C12orf76: variants seen among roughly 807,000 people sequenced by gnomAD.
The protein encoded by C12orf76 is uncharacterized protein C12orf76.
A neutral mutation model predicts 6.8 loss-of-function variants in C12orf76; 6 were observed. That is an observed-to-expected ratio of 0.88 (90% CI 0.48 to 1.73). C12orf76 has a LOEUF of 1.73. Among genes scored for constraint, C12orf76 ranks in the 40% most tolerant of loss-of-function variants. The pLI is 0.01. For missense variants in C12orf76, 99 were observed against 98.2 expected (o/e 1.01, Z -0.03); for synonymous variants, 56 against 43.7 (o/e 1.28, Z -1.11).
chr12:110,064,197 A>G (rs1293134888), intron 2 of C12orf76, among the ~76,000 whole-genome samples: 1 of 152,184 alleles, frequency 6.6e-6, no homozygotes, highest in African/African-American at 2.4e-5. Flanking sequence ...ACTTCCCTCT[A>G]TTCCTGAATT....
chr12:110,054,109 G>T (rs1308820483), upstream of C12orf76, among the ~76,000 whole-genome samples: 1 of 152,112 alleles, frequency 6.6e-6, no homozygotes, highest in East Asian at 1.9e-4. The surrounding 1 kb of genome is among the most constrained non-coding windows in gnomAD (Gnocchi z 4.4). Context: ...TTTTAAAAAT[G>T]GGATGCTTTG....
exon 1 of C12orf76, chr12:110,073,438 C>T (rs1243029329): frequency 9.6e-6 from 5 of 522,846 alleles, no homozygotes; most frequent in African/African-American, 3.9e-5. Flanking sequence ...TAGGAAAAGA[C>T]GATCACGTGG....
At chr12:110,053,001 G>C (rs1431315450), upstream of C12orf76, among the ~76,000 whole-genome samples, 1 of 151,952 alleles carries the variant, frequency 6.6e-6, no homozygotes, top group Non-Finnish European at 1.5e-5. Context: ...AGGAGATCAA[G>C]ACCATCCTGG....
upstream of C12orf76, among the ~76,000 whole-genome samples, chr12:110,051,847 G>A (rs1892580890): frequency 6.6e-6 from 1 of 151,532 alleles, no homozygotes; most frequent in African/African-American, 2.4e-5. Context: ...GCTGTGTCTG[G>A]TGCATTTCCA....
chr12:110,072,389 T>C (rs1169892377), upstream of C12orf76, among the ~76,000 whole-genome samples: 2 of 151,838 alleles, frequency 1.3e-5, no homozygotes, highest in Non-Finnish European at 2.9e-5. Context: ...TCCATTTACA[T>C]GAAATGTCCA....
intron 1 of C12orf76, among the ~76,000 whole-genome samples, chr12:110,046,951 TA>T (rs1370273850): frequency 6.6e-6 from 1 of 152,066 alleles, no homozygotes; most frequent in Non-Finnish European, 1.5e-5. Flanking sequence ...CAACATGTCG[TA>T]ATATCCAGGT....
chr12:110,051,216 T>C (rs749908653), upstream of C12orf76: 3 of 771,838 alleles, frequency 3.9e-6, no homozygotes, highest in Non-Finnish European at 7.2e-6. Flanking sequence ...CACAGTGGGG[T>C]GGGAGGCAGG....
intron 1 of C12orf76, 22 bp from the exon 2 acceptor site, chr12:110,042,481 C>T: frequency 6.6e-7 from 1 of 1,517,212 alleles, no homozygotes; most frequent in South Asian, 1.1e-5. Context: ...AAACAGGTTA[C>T]TTCCTAATGG....
At chr12:110,066,711 G>C (rs1397952635) in intron 1 of C12orf76, among the ~76,000 whole-genome samples, 7 of 152,000 alleles carry the variant, frequency 4.6e-5, no homozygotes, top group African/African-American at 1.7e-4. Context: ...AAAAAATCGG[G>C]AGCAGAGGGG....
intron 2 of C12orf76, among the ~76,000 whole-genome samples, chr12:110,062,786 ATATTT>A: frequency 8.0e-6 from 1 of 124,876 alleles, no homozygotes; most frequent in South Asian, 2.4e-4. Flanking sequence ...TGCCCAGCTA[ATATTT>A]TTTTTTTTTT....
chr12:110,048,514 A>G lies in C12orf76; in HGVS notation c.-19T>C. ...GCAGCATCTTCCCCAGCCCTGCAGA[A>G]GCAGAGAGGCCACTTCCGTCGCAAG... is the stretch of plus-strand genomic sequence containing the variant. On this transcript the variant is annotated 5_prime_UTR_variant, in exon 1 of 2. Transcript: ENST00000615315. The G allele has an allele frequency of 2.1e-6, 3 of 1,401,264 alleles. No individual in the cohort carries two copies. Among genetic ancestry groups the G allele is most frequent in the South Asian group, 1.5e-5 (1 of 66,756 alleles). The allele number at this position is 1,401,264 out of a possible 1,614,324, so 86.8% of individuals were successfully genotyped here.
upstream of C12orf76, chr12:110,048,675 A>G: frequency 2.4e-6 from 3 of 1,264,866 alleles, no homozygotes; most frequent in African/African-American, 3.1e-5. Flanking sequence ...AACGTTCCTC[A>G]ATAACTAATG....
intron 1 of C12orf76, chr12:110,073,377 G>C (rs892757193): frequency 1.4e-5 from 7 of 509,744 alleles, no homozygotes; most frequent in Non-Finnish European, 2.8e-5. Context: ...TTTCTGTGCT[G>C]TCAACCACTG....
At chr12:110,045,413 C>A (rs1463267138) in intron 1 of C12orf76, among the ~76,000 whole-genome samples, 4 of 151,718 alleles carry the variant, frequency 2.6e-5, no homozygotes, top group Admixed American at 1.3e-4. Flanking sequence ...TGGTGAAACC[C>A]CGTCTCTACT....
At position 110,054,563 on chromosome 12, in the gene C12orf76, G is replaced by A. The variant is rs976963218; in HGVS notation, n.664+2626C>T. ...GGGGACAGAGGGAGGGAGAAATGGC[G>A]AGTGACTACTAATAGGCATGGGGTG... is the stretch of plus-strand genomic sequence containing the variant. On this transcript the variant is annotated intron_variant and non_coding_transcript_variant, in intron 4 of 4. Transcript: ENST00000309050. This position sits in a 1 kb window ranked among gnomAD's most constrained non-coding sequence, Gnocchi z 4.4. Among the ~76,000 whole-genome samples, 1 of 152,122 alleles carries A rather than the reference G, an allele frequency of 6.6e-6. No individual in the cohort carries two copies. The highest frequency in any genetic ancestry group is 2.4e-5 in the African/African-American group (1 of 41,428).
chr12:110,059,654 C>T (rs1388980812), intron 2 of C12orf76, among the ~76,000 whole-genome samples: 2 of 152,198 alleles, frequency 1.3e-5, no homozygotes, highest in Non-Finnish European at 2.9e-5. Flanking sequence ...CCATTTCATG[C>T]TTCCATCACC....
chr12:110,064,316 G>A (rs944115644), intron 2 of C12orf76, among the ~76,000 whole-genome samples: 1 of 152,214 alleles, frequency 6.6e-6, no homozygotes, highest in African/African-American at 2.4e-5. Flanking sequence ...AGCTGCAAGG[G>A]AACCTGGGAC....
rs945949076 is a variant in C12orf76 at position 110,061,772 on chromosome 12, G to A, written n.381-2609C>T. ...AGGCTGGCCTTGAACTCCTGACCTC[G>A]TGATCCACCCGCCTCAGCCTCCCAA... On this transcript the variant is annotated intron_variant and non_coding_transcript_variant, in intron 2 of 4. Transcript: ENST00000309050. Among the ~76,000 whole-genome samples, 45 of 151,554 alleles carry A rather than the reference G, an allele frequency of 3.0e-4. 1 individual carries two copies. Among genetic ancestry groups the A allele is most frequent in the African/African-American group, 8.7e-4 (36 of 41,358 alleles).
In C12orf76 at chr12:110,048,437, TC is replaced by T; in HGVS notation, c.58del (p.Glu20ArgfsTer27). Reference protein sequence around the residue: ...YLGLCSLLVGEAEAPSPVDPL... With the variant: ...YLGLCSLLVGXAEAPSPVDPL... ...ATCCACGGGGCTCGGGGCCTCTGCC[TC>T]CCCCACCAGGAGGCTGCAGAGGCCA... On this transcript the variant is annotated frameshift_variant, in exon 1 of 2. Transcript: ENST00000615315. LOFTEE classifies it high-confidence loss of function. 1 of 1,505,832 alleles carries T rather than the reference TC, an allele frequency of 6.6e-7. No individual in the cohort carries two copies. The highest frequency in any genetic ancestry group is 8.8e-7 in the Non-Finnish European group (1 of 1,132,132). The allele number at this position is 1,505,832 out of a possible 1,614,324, so 93.3% of individuals were successfully genotyped here.
Sources: allele counts gnomAD v4.1 joint callset (sites outside exome capture counted in the v4.1 genomes callset), GRCh38; gene constraint gnomAD v4.1.1; non-coding constraint Gnocchi (gnomAD v3.1); transcripts MANE v1.5; gene names NCBI Gene and HGNC (gene_info 2026-07-23, HGNC 2026-07-21).